FRYL: variants seen among roughly 807,000 people sequenced by gnomAD.
FRYL encodes the protein protein furry homolog-like.
A neutral mutation model predicts 351.2 loss-of-function variants in FRYL; 150 were observed. The observed-to-expected ratio is 0.43, with a 90% CI of 0.37 to 0.49. The LOEUF (loss-of-function observed/expected upper bound fraction) is 0.49. FRYL is among the 20% of genes least tolerant of loss of function. The pLI is 0.00. For missense variants in FRYL, 3,036 were observed against 3,619.3 expected, an observed-to-expected ratio of 0.84 and a Z score of 4.13; for synonymous variants, 1,153 against 1,257.1, an observed-to-expected ratio of 0.92 and a Z score of 1.75.
intron 3 of FRYL, among the ~76,000 whole-genome samples, chr4:48,651,058 A>T (rs1456872902): frequency 6.6e-6 from 1 of 151,994 alleles, no homozygotes; most frequent in African/African-American, 2.4e-5. Context: ...TTTCCCTCTT[A>T]AGTCTCCACT....
chr4:48,555,214 T>C (rs1190290869), intron 35 of FRYL, among the ~76,000 whole-genome samples: 1 of 152,204 alleles, frequency 6.6e-6, no homozygotes, highest in African/African-American at 2.4e-5. Context: ...CCCATGCTTT[T>C]TCTAGTACTG....
chr4:48,693,859 A>AT (rs1237475975), intron 2 of FRYL, among the ~76,000 whole-genome samples: 1 of 152,186 alleles, frequency 6.6e-6, no homozygotes, highest in Admixed American at 6.5e-5. Context: ...CCACATGAAT[A>AT]TTTGATGAGG....
At chr4:48,525,864 GTA>G (rs1419984244) in intron 53 of FRYL, among the ~76,000 whole-genome samples, 4 of 151,638 alleles carry the variant, frequency 2.6e-5, no homozygotes, top group Admixed American at 6.6e-5. Flanking sequence ...TGTATGAGCT[GTA>G]TATGAGTAGT....
intron 35 of FRYL, among the ~76,000 whole-genome samples, chr4:48,553,793 C>T (rs76970107): frequency 0.026 from 3,951 of 152,124 alleles, 69 homozygotes; most frequent in Admixed American, 0.046. Context: ...TCTTTTATTC[C>T]GCCTTCCCCA....
chr4:48,747,169 C>CG (rs1553880420), intron 1 of FRYL, among the ~76,000 whole-genome samples: 274 of 150,928 alleles, frequency 1.8e-3, no homozygotes, highest in African/African-American at 5.9e-3. Context: ...CTATCCCCCC[C>CG]CAAAAAAAGA....
chr4:48,515,195 T>C lies in FRYL; in HGVS notation c.7770A>G (p.Glu2590=), dbSNP rs1723310157. Residue 2590 remains glutamate (E), a synonymous_variant, in exon 56 of 64, where the codon GAA becomes GAG. Transcript: ENST00000358350. ...CAAGAATTCCTTGACACACAAGAGA[T>C]TCCTGCTGTTCTTGAATTATATAGG... is the stretch of plus-strand genomic sequence containing the variant. The part of the protein sequence containing the change: ...EGSYIIQEQQ[E]SLVCQGILDL... 1 of 1,613,806 alleles carries C rather than the reference T, an allele frequency of 6.2e-7. No homozygotes were observed.
chr4:48,655,772 T>C (rs1002056504), intron 3 of FRYL, among the ~76,000 whole-genome samples: 45 of 145,634 alleles, frequency 3.1e-4, no homozygotes, highest in Admixed American at 1.6e-3. Flanking sequence ...CATTATGTAA[T>C]ACATTCTGTA....
In FRYL at chr4:48,525,244, CA is replaced by C. The variant is rs202021232; in HGVS notation, c.7318-2141del. Among the ~76,000 whole-genome samples the C allele has an allele frequency of 4.0e-4, 59 of 148,904 alleles. 1 individual carries two copies. The East Asian group carries it at 0.011, about 27-fold the overall frequency. On this transcript the variant is annotated intron_variant, in intron 53 of 63. Transcript: ENST00000358350. ...AAATGTATTAACTGTGGATTAGTGT[CA>C]AAAAAAAGTTTAAAAGCTACTGCTC... is the stretch of plus-strand genomic sequence containing the variant.
chr4:48,587,702 C>A (rs1038820963), intron 18 of FRYL, among the ~76,000 whole-genome samples: 8 of 152,052 alleles, frequency 5.3e-5, no homozygotes, highest in African/African-American at 1.9e-4. Flanking sequence ...TGCCACCACG[C>A]CCAGCTAATT....
intron 3 of FRYL, chr4:48,653,675 C>A (rs1452161628): frequency 4.0e-6 from 5 of 1,255,934 alleles, no homozygotes; most frequent in South Asian, 1.3e-5. Flanking sequence ...GATAATAATA[C>A]CTCAGCATTT....
chr4:48,735,820 G>C (rs1771294121), intron 1 of FRYL, among the ~76,000 whole-genome samples: 1 of 89,974 alleles, frequency 1.1e-5, no homozygotes, highest in Admixed American at 1.2e-4. Flanking sequence ...GGGGACTGTG[G>C]TGGGGTCGGG....
intron 2 of FRYL, among the ~76,000 whole-genome samples, chr4:48,702,739 C>T (rs1435166330): frequency 7.7e-4 from 87 of 112,520 alleles, no homozygotes; most frequent in Admixed American, 2.7e-3. Context: ...CCAGCCTGGG[C>T]GACAGAGCAA....
In FRYL at chr4:48,589,768, A is replaced by G; in HGVS notation, c.1617T>C (p.Asn539=). ...PMCMTSVQMS[N]KEPEDMITGE... The stretch of plus-strand genomic sequence containing the variant: ...ACGTAATCATGTCTTCAGGCTCCTT[A>G]TTAGACATCTGCACACTGGTCATAC... Residue 539 remains asparagine (N), a synonymous_variant, in exon 18 of 64, where the codon AAT becomes AAC. Transcript: ENST00000358350. 1.2e-6 allele frequency: 2 copies of G among 1,613,504 alleles called. No individual in the cohort carries two copies. The highest frequency in any genetic ancestry group is 3.3e-5 in the Admixed American group (2 of 59,946).
chr4:48,779,003 C>G (rs1776327873), intron 1 of FRYL, among the ~76,000 whole-genome samples: 1 of 12,010 alleles, frequency 8.3e-5, no homozygotes, highest in African/African-American at 1.2e-4. Flanking sequence ...ACCCTAACCC[C>G]CACCCCCTTT....
intron 3 of FRYL, among the ~76,000 whole-genome samples, chr4:48,651,339 G>T (rs113698697): frequency 1.8e-5 from 2 of 110,184 alleles, no homozygotes; most frequent in African/African-American, 3.2e-5. Flanking sequence ...GTGTGTGTGT[G>T]TAGTGGTAGA....
chr4:48,500,343 G>T (rs1719274646), intron 62 of FRYL, 123 bp from the exon 63 acceptor site: 1 of 558,128 alleles, frequency 1.8e-6, no homozygotes. Context: ...TAAAATGTTT[G>T]TCTTGGAAGA....
Position 48,546,247 on chromosome 4 carries a change from T to A in FRYL, c.5099A>T (p.Asp1700Val). 6.2e-7 allele frequency: 1 copy of A among 1,612,800 alleles called. No homozygotes were observed. The part of the protein sequence containing the change: ...FTAGINDFIP[D>V]YQPSPMTDSG... ...GTCAGTCATAGGGGAGGGCTGGTAATCAGGTATAAAATCGTTAATGCCTGC... is the reference window on the plus strand; with the variant it reads ...GTCAGTCATAGGGGAGGGCTGGTAAACAGGTATAAAATCGTTAATGCCTGC... The change falls in exon 42 of 64, where the codon GAT (aspartate) becomes GTT (valine). Residue 1700 changes from aspartate (D) to valine (V), a missense_variant. Around this residue, in one of 7 missense-constraint regions of FRYL, gnomAD observed 1,987 missense variants for 2,311.7 expected, o/e 0.86. Coordinates refer to ENST00000358350, the MANE Select transcript of FRYL (RefSeq NM_015030.2).
At chr4:48,532,545 C>T (rs1027180522) in intron 49 of FRYL, among the ~76,000 whole-genome samples, 2 of 152,118 alleles carry the variant, frequency 1.3e-5, no homozygotes, top group African/African-American at 4.8e-5. Flanking sequence ...CTAATTCTAG[C>T]TACTTGGGAG....
intron 3 of FRYL, among the ~76,000 whole-genome samples, chr4:48,644,576 T>C (rs958207313): frequency 1.3e-5 from 2 of 148,566 alleles, no homozygotes; most frequent in Admixed American, 6.7e-5. Flanking sequence ...AAAAAGATTA[T>C]CTAGTAAAAA....
Sources: allele counts gnomAD v4.1 joint callset (sites outside exome capture counted in the v4.1 genomes callset), GRCh38; gene constraint gnomAD v4.1.1; regional missense constraint gnomAD v4.1.1; transcripts MANE v1.5; gene names NCBI Gene and HGNC (gene_info 2026-07-23, HGNC 2026-07-21).